Variants in AQP11 observed in about 807,000 individuals in gnomAD.
AQP11 encodes the protein aquaporin-11.
A neutral mutation model predicts 21.1 loss-of-function variants in AQP11; 20 were observed. That is an observed-to-expected ratio of 0.95 (90% CI 0.67 to 1.38). The LOEUF (loss-of-function observed/expected upper bound fraction) is 1.38. AQP11 is among the 40% of genes most tolerant of loss of function. The pLI, the probability that AQP11 is intolerant of heterozygous loss-of-function variation, is 0.00. For synonymous variants in AQP11, 167 were observed against 150.1 expected (o/e 1.11, Z -0.82); for missense variants, 339 against 340.4 (o/e 1.00, Z 0.03).
At chr11:77,595,960 A>G (rs1958776162) in intron 1 of AQP11, among the ~76,000 whole-genome samples, 1 of 152,096 alleles carries the variant, frequency 6.6e-6, no homozygotes, top group African/African-American at 2.4e-5. Context: ...GTCAAAAAAA[A>G]AAGAGAGAAG....
At chr11:77,593,981 C>G (rs892137857) in intron 1 of AQP11, among the ~76,000 whole-genome samples, 3 of 152,212 alleles carry the variant, frequency 2.0e-5, no homozygotes, top group Non-Finnish European at 2.9e-5. Flanking sequence ...TACTGTATGG[C>G]TCTACATATA....
At chr11:77,598,863 T>C (rs955921952) in intron 1 of AQP11, among the ~76,000 whole-genome samples, 1 of 152,040 alleles carries the variant, frequency 6.6e-6, no homozygotes, top group African/African-American at 2.4e-5. Context: ...TAAAGGTGTC[T>C]GCCACCACAC....
intron 1 of AQP11, among the ~76,000 whole-genome samples, chr11:77,594,329 A>T (rs187891823): frequency 6.6e-6 from 1 of 152,346 alleles, no homozygotes; most frequent in East Asian, 1.9e-4. Flanking sequence ...GACTTCATAG[A>T]GCCTTTACTA....
intron 1 of AQP11, among the ~76,000 whole-genome samples, chr11:77,598,027 C>T (rs1454061128): frequency 1.3e-5 from 2 of 152,188 alleles, no homozygotes; most frequent in Non-Finnish European, 2.9e-5. Flanking sequence ...GCGTGAGCCA[C>T]CACGTCTGGC....
Position 77,603,720 on chromosome 11 carries a change from AATATG to A in AQP11, c.736+54_736+58del, listed in dbSNP as rs889741913. On this transcript the variant is annotated intron_variant, in intron 2 of 2. Transcript: ENST00000313578. ...TGTCTGAAAGATTAGGGTATTTTAAAATATGATATGTGTATATCATTGTAACATGT... is the reference window on the plus strand; with the variant it reads ...TGTCTGAAAGATTAGGGTATTTTAAAATATGTGTATATCATTGTAACATGT... 6 of 1,365,924 alleles carry A rather than the reference AATATG, an allele frequency of 4.4e-6. No homozygotes were observed. The African/African-American group carries it at 7.3e-5, about 17-fold the overall frequency. The allele number at this position is 1,365,924 out of a possible 1,614,324, so 84.6% of individuals were successfully genotyped here.
chr11:77,594,889 T>TAA lies in AQP11; in HGVS notation c.619+4290_619+4291dup, dbSNP rs112398729. Among the ~76,000 whole-genome samples, 718 of 140,918 alleles carry TAA rather than the reference T, an allele frequency of 5.1e-3. 10 individuals carry two copies. The highest frequency in any genetic ancestry group is 0.016 in the African/African-American group (630 of 38,520). 92.4% of individuals were successfully genotyped at this position (140,918 alleles called of 152,430 possible). On this transcript the variant is annotated intron_variant, in intron 1 of 2. Transcript: ENST00000313578. The stretch of plus-strand genomic sequence containing the variant: ...GTATTAACTGGCTCCCCTAATCGTG[T>TAA]AAAAAAAAAAAAAGCTGTGCGATTT...
chr11:77,591,140 G>C, intron 1 of AQP11: 1 of 964,926 alleles, frequency 1.0e-6, no homozygotes, highest in Non-Finnish European at 1.2e-6. Flanking sequence ...TTTGAGTTAT[G>C]AAATTTCTTA....
chr11:77,599,406 C>T (rs539662382), intron 1 of AQP11, among the ~76,000 whole-genome samples: 8 of 151,772 alleles, frequency 5.3e-5, no homozygotes, highest in Non-Finnish European at 8.8e-5. Flanking sequence ...TCTCCTAATA[C>T]TATCCCTCCC....
At chr11:77,596,642 T>G (rs1310204697) in intron 1 of AQP11, among the ~76,000 whole-genome samples, 1 of 147,832 alleles carries the variant, frequency 6.8e-6, no homozygotes, top group Non-Finnish European at 1.5e-5. Flanking sequence ...GAGGACTGCA[T>G]GAGGCCAGCA....
intron 1 of AQP11, among the ~76,000 whole-genome samples, chr11:77,595,952 CAAAA>C (rs200559957): frequency 7.1e-6 from 1 of 140,554 alleles, no homozygotes; most frequent in African/African-American, 2.6e-5. Flanking sequence ...GACTCAGTGT[CAAAA>C]AAAAAAGAGA....
At chr11:77,597,297 C>T (rs1463444276) in intron 1 of AQP11, among the ~76,000 whole-genome samples, 4 of 152,078 alleles carry the variant, frequency 2.6e-5, no homozygotes, top group Non-Finnish European at 4.4e-5. Context: ...ACAGGCCAGG[C>T]GCAGTGGCTC....
intron 1 of AQP11, chr11:77,590,822 G>A (rs1958743572): frequency 2.4e-5 from 24 of 985,382 alleles, no homozygotes; most frequent in Non-Finnish European, 2.9e-5. Flanking sequence ...CCCAGAGAAA[G>A]GAGCCACCTC....
intron 2 of AQP11, among the ~76,000 whole-genome samples, chr11:77,604,353 A>G (rs1274854981): frequency 2.6e-5 from 4 of 152,204 alleles, no homozygotes. Context: ...TTCTATTTAG[A>G]TCAGATATAT....
chr11:77,594,307 T>G (rs1186545372), intron 1 of AQP11, among the ~76,000 whole-genome samples: 2 of 152,210 alleles, frequency 1.3e-5, no homozygotes, highest in Non-Finnish European at 2.9e-5. Flanking sequence ...TAAACAGGTT[T>G]TCTAATTTTA....
rs1382036665 is a variant in AQP11, at chr11:77,603,543, A to C, written c.620-13A>C. The stretch of plus-strand genomic sequence containing the variant: ...AAATCATTTGAAATCACTCTGCTTA[A>C]AATCTGTTACAGGAGGAAGTCTAAC... On this transcript the variant is annotated splice_polypyrimidine_tract_variant and intron_variant, in intron 1 of 2. Coordinates refer to ENST00000313578, the MANE Select transcript of AQP11 (RefSeq NM_173039.3). The C allele has an allele frequency of 6.5e-7, 1 of 1,540,802 alleles. No individual in the cohort carries two copies. Among genetic ancestry groups the C allele is most frequent in the East Asian group, 2.3e-5 (1 of 43,020 alleles).
At chr11:77,597,479 T>G (rs1157280997) in intron 1 of AQP11, among the ~76,000 whole-genome samples, 1 of 152,022 alleles carries the variant, frequency 6.6e-6, no homozygotes, top group Non-Finnish European at 1.5e-5. Flanking sequence ...AGCTGAGGCA[T>G]GAGAATCGCT....
chr11:77,596,621 C>T (rs1410006318), intron 1 of AQP11, among the ~76,000 whole-genome samples: 3 of 141,622 alleles, frequency 2.1e-5, no homozygotes, highest in Admixed American at 7.5e-5. Flanking sequence ...AGGACCGGGA[C>T]GTCAAGACAG....
At position 77,602,870 on chromosome 11, in the gene AQP11, C is replaced by T. The variant is rs1046111581; in HGVS notation, c.620-686C>T. 6.6e-5 allele frequency among the ~76,000 whole-genome samples: 10 copies of T among 152,178 alleles called. 1 individual carries two copies. The highest frequency in any genetic ancestry group is 3.9e-4 in the Admixed American group (6 of 15,266). Reference sequence around the variant, plus strand: ...TGCTCTTAGGCTGGACTTTGAAAAGCGAAGACACAGCTCTGTGGAGTACTG... The same window carrying T: ...TGCTCTTAGGCTGGACTTTGAAAAGTGAAGACACAGCTCTGTGGAGTACTG... On this transcript the variant is annotated intron_variant, in intron 1 of 2. Transcript: ENST00000313578.
chr11:77,599,847 AAGTGCTGGGATT>A (rs1334880797), intron 1 of AQP11, among the ~76,000 whole-genome samples: 4 of 152,118 alleles, frequency 2.6e-5, no homozygotes, highest in African/African-American at 9.7e-5. Context: ...CAGCCTCCCA[AAGTGCTGGGATT>A]ACAGGAATGA....
Sources: gnomAD v4.1 joint callset for allele counts (sites outside exome capture counted in the v4.1 genomes callset) on GRCh38, gnomAD v4.1.1 for gene constraint, MANE v1.5 for transcripts, NCBI Gene and HGNC (gene_info 2026-07-23, HGNC 2026-07-21) for gene names.